Variants in SHPK observed in about 807,000 individuals in gnomAD.
SHPK encodes sedoheptulokinase, also known as carbohydrate kinase-like protein.
A neutral mutation model predicts 46.3 loss-of-function variants in SHPK; 51 were observed. The observed-to-expected ratio is 1.10, with a 90% CI of 0.88 to 1.39. The LOEUF is 1.39. Among genes scored for constraint, SHPK ranks in the 40% most tolerant of loss-of-function variants. The probability of loss-of-function intolerance (pLI) is 0.00; values close to 1 mark genes in which losing one functional copy is unlikely to be tolerated. For synonymous variants in SHPK, 290 were observed against 273.9 expected (o/e 1.06, Z -0.58); for missense variants, 668 against 641.3 (o/e 1.04, Z -0.45).
At chr17:3,631,049 C>G (rs1272406287) in intron 1 of SHPK, among the ~76,000 whole-genome samples, 1 of 152,076 alleles carries the variant, frequency 6.6e-6, no homozygotes. Context: ...TTCCCCTCCT[C>G]GGAAAACCTC....
intron 3 of SHPK, 81 bp from the exon 4 acceptor site, chr17:3,623,572 G>T: frequency 7.0e-7 from 1 of 1,422,016 alleles, no homozygotes. Flanking sequence ...AGGCAGCAGG[G>T]ACCAGCTGTG....
rs990612180 is a variant in SHPK at position 3,623,455 on chromosome 17, G to A, written c.531C>T (p.Thr177=). 1 of 1,614,146 alleles carries A rather than the reference G, an allele frequency of 6.2e-7. No individual in the cohort carries two copies. The highest frequency in any genetic ancestry group is 1.7e-5 in the Admixed American group (1 of 60,028). Residue 177 remains threonine (T), a synonymous_variant, in exon 4 of 7, where the codon ACC becomes ACT. Coordinates refer to ENST00000225519, the MANE Select transcript of SHPK (RefSeq NM_013276.4). ...GCATGGCAACCACATAGTCGTGGAT[G>A]GTACCGGCTGCGTCGTAGGACTTCA... is the stretch of plus-strand genomic sequence containing the variant. ...EFLKSYDAAG[T]IHDYVVAMLC...
intron 5 of SHPK, chr17:3,619,588 C>T (rs181284304): frequency 2.6e-4 from 118 of 445,702 alleles, no homozygotes; most frequent in African/African-American, 2.3e-3. Context: ...CAAACATTAA[C>T]CAGCCATGGT....
chr17:3,624,490 A>G (rs17634335), intron 2 of SHPK, among the ~76,000 whole-genome samples: 9,836 of 151,934 alleles, frequency 0.065, 362 homozygotes, highest in Middle Eastern at 0.14. Flanking sequence ...TGAAGTTGAT[A>G]TCATATCTCC....
chr17:3,611,049 A>C, intron 6 of SHPK, 77 bp from the exon 7 acceptor site: 16 of 1,350,734 alleles, frequency 1.2e-5, no homozygotes, highest in Non-Finnish European at 1.4e-5. Context: ...GAATTCCCAC[A>C]GGGTGGGAAC....
intron 1 of SHPK, among the ~76,000 whole-genome samples, chr17:3,633,007 C>A (rs546887374): frequency 4.8e-4 from 55 of 115,704 alleles, no homozygotes; most frequent in African/African-American, 1.4e-3. Flanking sequence ...GAGACAGAGT[C>A]TTACTCTGTT....
intron 1 of SHPK, among the ~76,000 whole-genome samples, chr17:3,630,557 C>T (rs1264574243): frequency 6.6e-6 from 1 of 152,148 alleles, no homozygotes; most frequent in Non-Finnish European, 1.5e-5. Flanking sequence ...ATTCTCTGTG[C>T]TATAAATAGA....
At chr17:3,628,503 A>C (rs73305328) in intron 2 of SHPK, among the ~76,000 whole-genome samples, 32,395 of 151,108 alleles carry the variant, frequency 0.21, 4,221 homozygotes, top group Non-Finnish European at 0.29. Flanking sequence ...TTGTATTTTT[A>C]GTAGAGATGG....
rs1311589974 is a variant in SHPK, at chr17:3,609,672, T to C, written c.*888A>G. 1 of 152,356 alleles carries C rather than the reference T, an allele frequency of 6.6e-6. No individual in the cohort carries two copies. The allele number at this position is 152,356 out of a possible 1,614,324, so 9.4% of individuals were successfully genotyped here. ...CTACCTGCCCCATCTGGCAGGAGTCTGCCTGGCTGCATCCCTTCCCATGAG... is the reference window on the plus strand; with the variant it reads ...CTACCTGCCCCATCTGGCAGGAGTCCGCCTGGCTGCATCCCTTCCCATGAG... On this transcript the variant is annotated 3_prime_UTR_variant, in exon 7 of 7. Coordinates refer to ENST00000225519, the MANE Select transcript of SHPK (RefSeq NM_013276.4).
chr17:3,630,524 G>C (rs1158419722), intron 1 of SHPK, among the ~76,000 whole-genome samples, 178 bp from the exon 2 acceptor site: 1 of 152,148 alleles, frequency 6.6e-6, no homozygotes, highest in Non-Finnish European at 1.5e-5. Context: ...CCTCCACTGG[G>C]GTCAGACTCA....
chr17:3,611,059 CA>C, intron 6 of SHPK, 87 bp from the exon 7 acceptor site: 1 of 1,237,684 alleles, frequency 8.1e-7, no homozygotes, highest in Non-Finnish European at 1.1e-6. Context: ...AGGGTGGGAA[CA>C]GCGCTACTTG....
intron 6 of SHPK, among the ~76,000 whole-genome samples, chr17:3,613,855 C>A (rs973733007): frequency 6.6e-6 from 1 of 151,996 alleles, no homozygotes; most frequent in African/African-American, 2.4e-5. Context: ...CCACCATGCA[C>A]AGCGCCAAAA....
intron 2 of SHPK, among the ~76,000 whole-genome samples, chr17:3,629,525 C>T (rs549789790): frequency 3.3e-5 from 5 of 152,070 alleles, no homozygotes; most frequent in South Asian, 2.1e-4. Context: ...GTCAGGAGTT[C>T]GAGACCAGCC....
chr17:3,635,240 A>AGGAAGGAAGGGAG (rs1555556012), intron 1 of SHPK, among the ~76,000 whole-genome samples: 2 of 140,246 alleles, frequency 1.4e-5, no homozygotes, highest in Non-Finnish European at 3.1e-5. Flanking sequence ...GAAGGAAGGA[A>AGGAAGGAAGGGAG]GGAAGGGAAG....
chr17:3,613,160 G>C lies in SHPK; in HGVS notation c.1024+2177C>G, dbSNP rs192312637. Among the ~76,000 whole-genome samples, 4 of 152,292 alleles carry C rather than the reference G, an allele frequency of 2.6e-5. No individual in the cohort carries two copies. In the East Asian group the frequency reaches 7.7e-4, roughly 29 times the overall value. Reference sequence around the variant, plus strand: ...ACTGTACTCCAGGCCAGTAGACCAGGCTTTCTGAGGAGACAGTTCTAGAGC... The same window carrying C: ...ACTGTACTCCAGGCCAGTAGACCAGCCTTTCTGAGGAGACAGTTCTAGAGC... On this transcript the variant is annotated intron_variant, in intron 6 of 6. Transcript: ENST00000225519.
chr17:3,618,944 C>G (rs1406227495), intron 5 of SHPK, among the ~76,000 whole-genome samples: 1 of 152,006 alleles, frequency 6.6e-6, no homozygotes, highest in Non-Finnish European at 1.5e-5. Context: ...ATTGCTGGGG[C>G]CTGTGGTAAC....
intron 4 of SHPK, among the ~76,000 whole-genome samples, chr17:3,622,043 C>T (rs2075406704): frequency 6.6e-6 from 1 of 151,952 alleles, no homozygotes; most frequent in African/African-American, 2.4e-5. Context: ...CTCAACCTCC[C>T]AGGCTCAAGC....
intron 5 of SHPK, among the ~76,000 whole-genome samples, chr17:3,620,714 C>A (rs999732315): frequency 8.6e-5 from 13 of 152,014 alleles, no homozygotes; most frequent in African/African-American, 3.1e-4. Flanking sequence ...GCACCCACCA[C>A]CACACCTGGC....
rs1181255617 is a variant in SHPK at position 3,609,329 on chromosome 17, G to GAC, written c.*1230_*1231insGT. ...CATACCTGTCATGGATACTGAGAGA[G>GAC]AGAGAGAGAGAGAGAGAGAGAATAC... On this transcript the variant is annotated 3_prime_UTR_variant, in exon 7 of 7. Transcript: ENST00000225519. 3.3e-5 allele frequency: 5 copies of GAC among 150,096 alleles called. No individual in the cohort carries two copies. Among genetic ancestry groups the GAC allele is most frequent in the African/African-American group, 1.2e-4 (5 of 41,160 alleles). The allele number at this position is 150,096 out of a possible 1,614,324, so 9.3% of individuals were successfully genotyped here.
Sources: allele counts gnomAD v4.1 joint callset (sites outside exome capture counted in the v4.1 genomes callset), GRCh38; gene constraint gnomAD v4.1.1; transcripts MANE v1.5; gene names NCBI Gene and HGNC (gene_info 2026-07-23, HGNC 2026-07-21).